The following GTPBP4 variants were observed in gnomAD, a reference collection of about 807,000 sequenced individuals.
GTPBP4 encodes the protein GTP-binding protein 4.
In GTPBP4, 15 loss-of-function variants were observed where a neutral mutation model predicts 81.7. That is an observed-to-expected ratio of 0.18 (90% CI 0.12 to 0.28). The LOEUF (loss-of-function observed/expected upper bound fraction) is 0.28. GTPBP4 is among the 10% of genes least tolerant of loss of function. GTPBP4 has a pLI of 1.00. For synonymous variants in GTPBP4, 272 were observed against 274.6 expected, an observed-to-expected ratio of 0.99 and a Z score of 0.09; for missense variants, 847 against 793.8, an observed-to-expected ratio of 1.07 and a Z score of -0.81.
At chr10:1,001,732 C>G (rs1438919741) in intron 8 of GTPBP4, among the ~76,000 whole-genome samples, 1 of 140,456 alleles carries the variant, frequency 7.1e-6, no homozygotes, top group Admixed American at 7.1e-5. Flanking sequence ...GTATTGATTT[C>G]TAGTTTTATT....
intron 13 of GTPBP4, 79 bp downstream of exon 13, chr10:1,010,599 G>A (rs977453147): frequency 1.0e-4 from 85 of 820,330 alleles, no homozygotes; most frequent in South Asian, 6.9e-4. Flanking sequence ...GCATGGCTTC[G>A]GCTCAGCTGG....
chr10:1,014,105 C>T (rs1427500409), intron 14 of GTPBP4, 142 bp from the exon 15 acceptor site: 3 of 534,548 alleles, frequency 5.6e-6, no homozygotes, highest in South Asian at 2.1e-5. Flanking sequence ...AACATGAAAG[C>T]GGGGCCCAAT....
At chr10:998,539 T>G (rs1831571886) in intron 5 of GTPBP4, among the ~76,000 whole-genome samples, 1 of 152,258 alleles carries the variant, frequency 6.6e-6, no homozygotes. Context: ...CCCTGAGCTC[T>G]GAGCCAGTGC....
In GTPBP4 at chr10:1,017,218, C is replaced by T. The variant is rs983014099; in HGVS notation, c.1896C>T (p.Asp632=). 6.2e-7 allele frequency: 1 copy of T among 1,613,750 alleles called. No homozygotes were observed. ...GGAAGAGGAAAGCTGGTAAAAAGGA[C>T]AGGAGATAGTATCCGTTTGGTTGGC... is the stretch of plus-strand genomic sequence containing the variant. ...LSGKRKAGKK[D]RR is the part of the protein sequence containing the mutation. Residue 632 remains aspartate (D), a synonymous_variant, in exon 17 of 17, where the codon GAC becomes GAT. Coordinates refer to ENST00000360803, the MANE Select transcript of GTPBP4 (RefSeq NM_012341.3).
In GTPBP4 at chr10:1,015,826, C is replaced by G. The variant is rs373695235; in HGVS notation, c.1682C>G (p.Pro561Arg). The G allele has an allele frequency of 1.7e-5, 28 of 1,613,826 alleles. No homozygotes were observed. Among genetic ancestry groups the G allele is most frequent in the Non-Finnish European group, 2.2e-5 (26 of 1,179,800 alleles). The change falls in exon 16 of 17, where the codon CCG becomes CGG. Residue 561 changes from proline to arginine, a missense_variant. Transcript: ENST00000360803. ...AGAAAGCGGGAAGACTCTGCTCCCC[C>G]GTCCTCTGTGGCCCGGAGTGGGAGT... The part of the protein sequence containing the change: ...RKRKREDSAP[P>R]SSVARSGSCS...
chr10:1,004,949 C>T (rs1751086158), intron 8 of GTPBP4, among the ~76,000 whole-genome samples: 1 of 152,168 alleles, frequency 6.6e-6, no homozygotes, highest in Non-Finnish European at 1.5e-5. Flanking sequence ...AGTGTCAGCT[C>T]CTTCTGTGTG....
chr10:994,241 A>G (rs1831499080), intron 2 of GTPBP4, among the ~76,000 whole-genome samples: 1 of 138,700 alleles, frequency 7.2e-6, no homozygotes, highest in Admixed American at 7.5e-5. Context: ...GAAGAAAGTG[A>G]TTTAAGAATG....
chr10:989,805 A>G (rs1564464276), intron 1 of GTPBP4, among the ~76,000 whole-genome samples: 1 of 151,986 alleles, frequency 6.6e-6, no homozygotes, highest in Non-Finnish European at 1.5e-5. Flanking sequence ...CAGTGGTGTG[A>G]TCCTGACTGC....
At chr10:1,000,284 C>T (rs189602218) in intron 6 of GTPBP4, among the ~76,000 whole-genome samples, 4 of 121,502 alleles carry the variant, frequency 3.3e-5, no homozygotes, top group Non-Finnish European at 6.3e-5. Context: ...GTCACCCAGG[C>T]TGGAGTGCAG....
chr10:997,341 C>T (rs1564466488), intron 5 of GTPBP4, 33 bp downstream of exon 5: 1 of 1,151,692 alleles, frequency 8.7e-7, no homozygotes, highest in Non-Finnish European at 1.3e-6. Context: ...AGCAAATCAT[C>T]TGACTATTTT....
rs1161079353 is a variant in GTPBP4, at chr10:1,012,593, G to T, written c.1473G>T (p.Lys491Asn). ...RQLAKQIREKKKLKILESKEK... is the reference protein window; with the variant it reads ...RQLAKQIREKNKLKILESKEK... ...TGGCAAAGCAAATTCGAGAGAAAAA[G>T]AAGTTGAAAATTCTGGAGTCCAAAG... The change falls in exon 14 of 17, where the codon AAG becomes AAT. Residue 491 changes from lysine to asparagine, a missense_variant. Lys to Asn is a moderately conservative substitution (Grantham distance 94, BLOSUM62 0). This residue lies in a region of GTPBP4 where 600 missense variants were observed against 557.1 expected (regional missense o/e 1.08). Transcript: ENST00000360803. 2 of 1,613,986 alleles carry T rather than the reference G, an allele frequency of 1.2e-6. No homozygotes were observed. The highest frequency in any genetic ancestry group is 1.3e-5 in the African/African-American group (1 of 74,940).
chr10:1,011,255 G>T (rs996851994), intron 13 of GTPBP4, among the ~76,000 whole-genome samples: 5 of 152,164 alleles, frequency 3.3e-5, no homozygotes, highest in Non-Finnish European at 7.3e-5. Context: ...TTCCTTGGGG[G>T]CTCCGCTGTG....
Position 1,012,632 on chromosome 10 carries a change from G to T in GTPBP4, c.1512G>T (p.Gln504His). The part of the protein sequence containing the change: ...KILESKEKNT[Q>H]GPRMPRTAKK... ...TGGAGTCCAAAGAAAAGAATACACAGGGACCCAGGATGCCGCGAACTGCTA... is the reference window on the plus strand; with the variant it reads ...TGGAGTCCAAAGAAAAGAATACACATGGACCCAGGATGCCGCGAACTGCTA... The change falls in exon 14 of 17, where the codon CAG becomes CAT. Residue 504 changes from glutamine (Q) to histidine (H), a missense_variant. Physicochemically the swap from Gln to His is conservative, Grantham distance 24. Transcript: ENST00000360803. 1 of 1,613,744 alleles carries T rather than the reference G, an allele frequency of 6.2e-7. No homozygotes were observed. Among genetic ancestry groups the T allele is most frequent in the South Asian group, 1.1e-5 (1 of 91,034 alleles).
chr10:1,006,914 G>C (rs1380966019), intron 9 of GTPBP4, 104 bp from the exon 10 acceptor site: 6 of 730,556 alleles, frequency 8.2e-6, no homozygotes, highest in Admixed American at 6.3e-5. Flanking sequence ...GTTACCTTGA[G>C]GGAAAAGGCT....
intron 13 of GTPBP4, among the ~76,000 whole-genome samples, chr10:1,011,023 C>T (rs1226537123): frequency 8.6e-6 from 1 of 116,744 alleles, no homozygotes; most frequent in Non-Finnish European, 1.9e-5. Context: ...GTGTCTCCGC[C>T]AGGCCCTGGA....
intron 1 of GTPBP4, among the ~76,000 whole-genome samples, chr10:991,440 T>C (rs1291863304): frequency 6.6e-6 from 1 of 152,212 alleles, no homozygotes; most frequent in Non-Finnish European, 1.5e-5. Flanking sequence ...GGGTAACTCA[T>C]GCAAAAATCC....
At chr10:990,790 C>T (rs1206991978) in intron 1 of GTPBP4, among the ~76,000 whole-genome samples, 3 of 126,398 alleles carry the variant, frequency 2.4e-5, no homozygotes, top group African/African-American at 9.1e-5. Context: ...AGAAATAAAA[C>T]ATTGTTATCA....
At chr10:993,162 A>C (rs1831476340) in intron 2 of GTPBP4, among the ~76,000 whole-genome samples, 1 of 152,074 alleles carries the variant, frequency 6.6e-6, no homozygotes, top group South Asian at 2.1e-4. Flanking sequence ...CTTCTTTGGC[A>C]AGGAGAGATC....
rs1439928544 is a variant in GTPBP4 at position 1,017,590 on chromosome 10, G to A, written c.*363G>A. 1.2e-5 allele frequency: 2 copies of A among 173,306 alleles called. No individual in the cohort carries two copies. The highest frequency in any genetic ancestry group is 4.7e-5 in the African/African-American group (2 of 42,304). 10.7% of individuals were successfully genotyped at this position (173,306 alleles called of 1,614,324 possible). The stretch of plus-strand genomic sequence containing the variant: ...GTTTATGAGTGTGTCGGAATCCCGT[G>A]CTTAAAATACGCTCTTAAATTATTT... On this transcript the variant is annotated 3_prime_UTR_variant, in exon 17 of 17. Coordinates refer to ENST00000360803, the MANE Select transcript of GTPBP4 (RefSeq NM_012341.3).
Sources: gnomAD v4.1 joint callset for allele counts (sites outside exome capture counted in the v4.1 genomes callset) on GRCh38, gnomAD v4.1.1 for gene constraint, gnomAD v4.1.1 regional missense constraint, MANE v1.5 for transcripts, NCBI Gene and HGNC (gene_info 2026-07-23, HGNC 2026-07-21) for gene names.